Variants in SYNPR observed in about 807,000 individuals in gnomAD.
The protein encoded by SYNPR is synaptoporin.
A neutral mutation model predicts 32.9 loss-of-function variants in SYNPR; 23 were observed. The ratio of observed to expected loss-of-function variants is 0.70; its 90% CI spans 0.50 to 0.99. The LOEUF (loss-of-function observed/expected upper bound fraction) is 0.99, where lower values mean the gene tolerates loss of function less well. Ranked by LOEUF, SYNPR falls within the 50% of genes least tolerant of loss-of-function variation. SYNPR has a pLI of 0.00. For missense variants in SYNPR, 318 were observed against 349.3 expected (o/e 0.91, Z 0.71); for synonymous variants, 146 against 135.9 (o/e 1.07, Z -0.52).
chr3:63,513,163 AC>A (rs1036983220), intron 3 of SYNPR, among the ~76,000 whole-genome samples: 1 of 59,660 alleles, frequency 1.7e-5, no homozygotes, highest in African/African-American at 6.2e-5. Flanking sequence ...CCTCCCCCCC[AC>A]CCCCACACTC....
At chr3:63,379,585 T>G (rs2087940137) in intron 2 of SYNPR, among the ~76,000 whole-genome samples, 1 of 152,172 alleles carries the variant, frequency 6.6e-6, no homozygotes, top group Admixed American at 6.6e-5. Context: ...TTTCTGTCTT[T>G]GTTAATTTTC....
intron 3 of SYNPR, among the ~76,000 whole-genome samples, chr3:63,482,908 A>G (rs1307787439): frequency 6.6e-6 from 1 of 152,224 alleles, no homozygotes; most frequent in Non-Finnish European, 1.5e-5. Flanking sequence ...TTTCAGAAGA[A>G]GTACGGTTAG....
At chr3:63,426,935 T>C (rs1323668053) in intron 2 of SYNPR, 6 of 152,174 alleles carry the variant, frequency 3.9e-5, no homozygotes, top group Non-Finnish European at 5.9e-5. Flanking sequence ...TAATTTAAAA[T>C]AATTTTAAAA....
intron 1 of SYNPR, among the ~76,000 whole-genome samples, chr3:63,246,115 G>T (rs1405695316): frequency 6.6e-6 from 1 of 152,048 alleles, no homozygotes; most frequent in Non-Finnish European, 1.5e-5. Flanking sequence ...CACAAGGGCA[G>T]ACAAGGAGAA....
chr3:63,381,386 G>T (rs2087966610), intron 2 of SYNPR, among the ~76,000 whole-genome samples: 1 of 152,152 alleles, frequency 6.6e-6, no homozygotes, highest in Admixed American at 6.5e-5. Flanking sequence ...ACAAACCACT[G>T]CTCAACGAAA....
chr3:63,328,777 C>T (rs566657069), intron 2 of SYNPR, among the ~76,000 whole-genome samples: 1 of 152,216 alleles, frequency 6.6e-6, no homozygotes, highest in South Asian at 2.1e-4. Flanking sequence ...AATAAACTTG[C>T]CACATTTATT....
intron 5 of SYNPR, among the ~76,000 whole-genome samples, chr3:63,614,784 C>T (rs1700253223): frequency 6.6e-6 from 1 of 152,122 alleles, no homozygotes; most frequent in Admixed American, 6.5e-5. Context: ...AATTCTCAAC[C>T]CTGTGCCATC....
intron 2 of SYNPR, among the ~76,000 whole-genome samples, chr3:63,354,761 T>A (rs1460588663): frequency 6.6e-6 from 1 of 152,182 alleles, no homozygotes; most frequent in Non-Finnish European, 1.5e-5. Context: ...GTCTTCTGAG[T>A]GTAGAAAATA....
At chr3:63,516,627 G>A (rs921187707) in intron 3 of SYNPR, among the ~76,000 whole-genome samples, 1 of 152,044 alleles carries the variant, frequency 6.6e-6, no homozygotes, top group East Asian at 1.9e-4. Flanking sequence ...TCAAGTAGCC[G>A]AGGCATAGGA....
At chr3:63,235,201 A>C (rs1373622949) in intron 1 of SYNPR, among the ~76,000 whole-genome samples, 8 of 152,128 alleles carry the variant, frequency 5.3e-5, no homozygotes, top group African/African-American at 1.9e-4. Flanking sequence ...CACAGTGAGG[A>C]TCTTTCATAT....
At chr3:63,511,399 T>A (rs1319396517) in intron 3 of SYNPR, among the ~76,000 whole-genome samples, 3 of 152,168 alleles carry the variant, frequency 2.0e-5, no homozygotes, top group Non-Finnish European at 2.9e-5. Context: ...AACCATTCTG[T>A]TCACATGTTT....
chr3:63,442,411 C>T (rs1700196013), intron 2 of SYNPR, among the ~76,000 whole-genome samples: 1 of 152,184 alleles, frequency 6.6e-6, no homozygotes, highest in South Asian at 2.1e-4. Context: ...AGGAGAGGCA[C>T]ACAGACTTCC....
intron 2 of SYNPR, among the ~76,000 whole-genome samples, chr3:63,379,366 T>A (rs751238838): frequency 2.0e-5 from 3 of 152,156 alleles, no homozygotes; most frequent in South Asian, 4.1e-4. Context: ...TATTCTATTA[T>A]CCTTGCCCTT....
At chr3:63,319,738 A>G (rs1457822603) in intron 2 of SYNPR, among the ~76,000 whole-genome samples, 1 of 152,036 alleles carries the variant, frequency 6.6e-6, no homozygotes, top group African/African-American at 2.4e-5. Flanking sequence ...CTATCAAAAT[A>G]CCAATGACAT....
chr3:63,309,350 G>T (rs1280520308), intron 2 of SYNPR, among the ~76,000 whole-genome samples: 3 of 151,774 alleles, frequency 2.0e-5, no homozygotes, highest in Non-Finnish European at 4.4e-5. Context: ...CCTCATTGTG[G>T]GTTGTATTTT....
At chr3:63,484,921 A>T (rs1701117067) in intron 3 of SYNPR, among the ~76,000 whole-genome samples, 1 of 152,168 alleles carries the variant, frequency 6.6e-6, no homozygotes, top group Non-Finnish European at 1.5e-5. Context: ...AAGACCTTGA[A>T]TTCCTTATAA....
chr3:63,572,981 G>A (rs1289685578), intron 4 of SYNPR, among the ~76,000 whole-genome samples: 1 of 152,024 alleles, frequency 6.6e-6, no homozygotes, highest in African/African-American at 2.4e-5. Flanking sequence ...AGACAAAAAT[G>A]TAGCTATTCT....
chr3:63,407,341 T>A (rs2088373263), intron 2 of SYNPR, among the ~76,000 whole-genome samples: 1 of 152,204 alleles, frequency 6.6e-6, no homozygotes, highest in Admixed American at 6.5e-5. Context: ...AAGGATTACA[T>A]GAGTTATGAA....
chr3:63,447,543 G>T (rs956656582), intron 2 of SYNPR, among the ~76,000 whole-genome samples: 1 of 152,152 alleles, frequency 6.6e-6, no homozygotes, highest in Non-Finnish European at 1.5e-5. Context: ...TGGTGGTCCT[G>T]TTACATGCTT....
Sources: allele counts gnomAD v4.1 joint callset (sites outside exome capture counted in the v4.1 genomes callset), GRCh38; gene constraint gnomAD v4.1.1; transcripts MANE v1.5; gene names NCBI Gene and HGNC (gene_info 2026-07-23, HGNC 2026-07-21).